The following CNTN4 variants were observed in gnomAD, a reference collection of about 807,000 sequenced individuals.
CNTN4 encodes contactin-4.
Under a neutral mutation model 122.5 loss-of-function variants are expected in CNTN4, and 77 were observed. The observed-to-expected ratio is 0.63, with a 90% CI of 0.52 to 0.76. The LOEUF is 0.76. Ranked by LOEUF, CNTN4 falls within the 30% of genes least tolerant of loss-of-function variation. CNTN4 has a pLI of 0.00. For synonymous variants in CNTN4, 512 were observed against 447.0 expected (o/e 1.15, Z -1.83); for missense variants, 1,256 against 1,259.1 (o/e 1.00, Z 0.04).
intron 3 of CNTN4, among the ~76,000 whole-genome samples, chr3:2,549,539 A>G (rs1333766197): frequency 6.6e-6 from 1 of 152,102 alleles, no homozygotes; most frequent in East Asian, 1.9e-4. Context: ...TTGCATCCCA[A>G]GGATGAAGCC....
intron 13 of CNTN4, among the ~76,000 whole-genome samples, chr3:2,955,587 G>A (rs1039317719): frequency 3.3e-5 from 5 of 152,144 alleles, no homozygotes; most frequent in Admixed American, 6.5e-5. Context: ...TGATTGAGTC[G>A]TATAATTATC....
At chr3:2,436,763 C>T (rs2048272157) in intron 3 of CNTN4, among the ~76,000 whole-genome samples, 1 of 146,832 alleles carries the variant, frequency 6.8e-6, no homozygotes. Flanking sequence ...CATATATTTC[C>T]TTCAAATATA....
chr3:2,433,316 C>T (rs975064469), intron 3 of CNTN4, among the ~76,000 whole-genome samples: 1 of 152,126 alleles, frequency 6.6e-6, no homozygotes, highest in Non-Finnish European at 1.5e-5. Flanking sequence ...TTTGTCTCTT[C>T]CATAATTGTT....
chr3:2,566,028 C>G (rs1037123571), intron 3 of CNTN4, among the ~76,000 whole-genome samples: 4 of 152,212 alleles, frequency 2.6e-5, no homozygotes, highest in Non-Finnish European at 4.4e-5. Flanking sequence ...TGAATTAACA[C>G]TAGTGAAACG....
intron 3 of CNTN4, among the ~76,000 whole-genome samples, chr3:2,489,497 A>T (rs954357834): frequency 5.9e-5 from 9 of 152,222 alleles, no homozygotes; most frequent in Admixed American, 1.3e-4. Context: ...CTCAGCCAAA[A>T]TGAAGAGAAA....
At chr3:2,806,475 A>G (rs567558699) in intron 6 of CNTN4, among the ~76,000 whole-genome samples, 1 of 152,296 alleles carries the variant, frequency 6.6e-6, no homozygotes, top group African/African-American at 2.4e-5. Context: ...CTGGCTTCCT[A>G]GGATTTCAGA....
chr3:2,792,059 A>C (rs768850699), intron 6 of CNTN4, among the ~76,000 whole-genome samples: 2 of 152,190 alleles, frequency 1.3e-5, no homozygotes, highest in Admixed American at 6.5e-5. Context: ...AATCCTGCAC[A>C]TGTACCCCTG....
At chr3:2,254,349 A>T (rs2040494773) in intron 2 of CNTN4, among the ~76,000 whole-genome samples, 4 of 152,202 alleles carry the variant, frequency 2.6e-5, no homozygotes, top group African/African-American at 4.8e-5. Context: ...TGCAGTAAAC[A>T]TACATGCGCA....
chr3:2,290,869 G>A (rs946882889), intron 2 of CNTN4, among the ~76,000 whole-genome samples: 7 of 151,812 alleles, frequency 4.6e-5, no homozygotes, highest in Non-Finnish European at 7.4e-5. Context: ...TCTGAACTTT[G>A]TAGAGTTTAT....
At chr3:2,620,635 G>A (rs1365636088) in intron 4 of CNTN4, among the ~76,000 whole-genome samples, 2 of 152,100 alleles carry the variant, frequency 1.3e-5, no homozygotes, top group Non-Finnish European at 2.9e-5. Context: ...ATTGCCACAG[G>A]TTGAGTTTAA....
intron 2 of CNTN4, among the ~76,000 whole-genome samples, chr3:2,239,533 C>G (rs1424846727): frequency 2.0e-5 from 3 of 152,244 alleles, no homozygotes; most frequent in East Asian, 3.9e-4. Context: ...CTCTTACAAG[C>G]TTTGGGATCT....
chr3:2,154,403 A>G (rs546261287), intron 2 of CNTN4, among the ~76,000 whole-genome samples: 1 of 151,536 alleles, frequency 6.6e-6, no homozygotes, highest in Non-Finnish European at 1.5e-5. Flanking sequence ...ATAAAAGTGG[A>G]TATGGTAATT....
At position 2,258,622 on chromosome 3, in the gene CNTN4, T is replaced by C. The variant is rs78500359; in HGVS notation, c.-144-80556T>C. 5.4e-3 allele frequency among the ~76,000 whole-genome samples: 827 copies of C among 152,266 alleles called. 12 individuals carry two copies. The highest frequency in any genetic ancestry group is 0.019 in the African/African-American group (787 of 41,570). On this transcript the variant is annotated intron_variant, in intron 2 of 24. Transcript: ENST00000418658. The stretch of plus-strand genomic sequence containing the variant: ...ATGTTTATGAACCTACCACACATAA[T>C]ATAATTGGCTCTGAACTTCCTGAAT...
chr3:2,626,987 C>G (rs2082214942), intron 4 of CNTN4, among the ~76,000 whole-genome samples: 1 of 152,182 alleles, frequency 6.6e-6, no homozygotes, highest in South Asian at 2.1e-4. Flanking sequence ...TCAGTCTGCC[C>G]TTGGTTCCCA....
intron 3 of CNTN4, among the ~76,000 whole-genome samples, chr3:2,470,469 T>C (rs2075648137): frequency 6.6e-6 from 1 of 152,124 alleles, no homozygotes; most frequent in Non-Finnish European, 1.5e-5. Context: ...ACTTACTCTT[T>C]TTTTGCTTCC....
chr3:2,624,508 C>T (rs1395294457), intron 4 of CNTN4, among the ~76,000 whole-genome samples: 1 of 151,930 alleles, frequency 6.6e-6, no homozygotes, highest in Non-Finnish European at 1.5e-5. Context: ...AACATGAGAC[C>T]ATGGCAAGCT....
At chr3:2,401,814 T>A (rs927153259) in intron 3 of CNTN4, among the ~76,000 whole-genome samples, 1 of 152,190 alleles carries the variant, frequency 6.6e-6, no homozygotes, top group African/African-American at 2.4e-5. Flanking sequence ...TGTGGCTGTT[T>A]GTTCACCGCA....
At chr3:2,290,796 A>C (rs1456898878) in intron 2 of CNTN4, among the ~76,000 whole-genome samples, 1 of 152,154 alleles carries the variant, frequency 6.6e-6, no homozygotes, top group African/African-American at 2.4e-5. Context: ...TAACCATTAA[A>C]ATTTTCTGAC....
rs1480275959 is a variant in CNTN4 at position 2,667,731 on chromosome 3, C to G, written c.56-68484C>G. ...AGGGTTTTTATGGTTTTAGGTTTAA[C>G]GTTTAAATCTTTAATCCATCTTGAA... On this transcript the variant is annotated intron_variant, in intron 4 of 24. Transcript: ENST00000418658. 2.0e-3 allele frequency among the ~76,000 whole-genome samples: 255 copies of G among 124,704 alleles called. 3 individuals are homozygous for G. Among genetic ancestry groups the G allele is most frequent in the African/African-American group, 8.2e-3 (245 of 29,996 alleles). 81.8% of individuals were successfully genotyped at this position (124,704 alleles called of 152,430 possible).
Sources: allele counts gnomAD v4.1 joint callset (sites outside exome capture counted in the v4.1 genomes callset), GRCh38; gene constraint gnomAD v4.1.1; transcripts MANE v1.5; gene names NCBI Gene and HGNC (gene_info 2026-07-23, HGNC 2026-07-21).